LRRTM4: variants seen among roughly 807,000 people sequenced by gnomAD.
LRRTM4 encodes leucine rich repeat transmembrane neuronal 4.
In LRRTM4, 25 loss-of-function variants were observed where a neutral mutation model predicts 47.6. That is an observed-to-expected ratio of 0.53 (90% CI 0.38 to 0.73). The LOEUF (loss-of-function observed/expected upper bound fraction) is 0.73. Among genes scored for constraint, LRRTM4 ranks in the 30% least tolerant of loss-of-function variants. LRRTM4 has a pLI of 0.00. For synonymous variants in LRRTM4, 311 were observed against 269.5 expected, an observed-to-expected ratio of 1.15 and a Z score of -1.51; for missense variants, 638 against 713.4, an observed-to-expected ratio of 0.89 and a Z score of 1.20.
chr2:77,270,088 G>A (rs1676152032), intron 3 of LRRTM4, among the ~76,000 whole-genome samples: 1 of 152,178 alleles, frequency 6.6e-6, no homozygotes. Context: ...CAAGATGTCT[G>A]GATTTATTGA....
intron 3 of LRRTM4, among the ~76,000 whole-genome samples, chr2:77,224,456 A>T (rs1187700514): frequency 2.0e-5 from 3 of 152,104 alleles, no homozygotes; most frequent in East Asian, 1.9e-4. Context: ...TTTGCAACCT[A>T]CTCATCTGAC....
intron 3 of LRRTM4, among the ~76,000 whole-genome samples, chr2:76,839,508 T>C (rs751497560): frequency 3.3e-5 from 5 of 152,162 alleles, no homozygotes; most frequent in Non-Finnish European, 5.9e-5. Flanking sequence ...AAATATTTAA[T>C]AATATTTTCA....
At chr2:77,475,557 T>G (rs1012118268) in intron 3 of LRRTM4, among the ~76,000 whole-genome samples, 1 of 152,030 alleles carries the variant, frequency 6.6e-6, no homozygotes, top group East Asian at 1.9e-4. Flanking sequence ...ATAAGGCACA[T>G]GTAAAGGTCT....
intron 3 of LRRTM4, among the ~76,000 whole-genome samples, chr2:76,795,579 G>GCA (rs753196049): frequency 8.7e-5 from 8 of 91,936 alleles, no homozygotes; most frequent in Non-Finnish European, 1.4e-4. Context: ...GCATATATAT[G>GCA]CACACACACA....
intron 3 of LRRTM4, among the ~76,000 whole-genome samples, chr2:76,918,130 T>C (rs754661655): frequency 1.3e-5 from 2 of 152,230 alleles, no homozygotes; most frequent in Non-Finnish European, 2.9e-5. Flanking sequence ...ATGACAATTA[T>C]GTTAACAAAA....
chr2:77,476,635 A>G, intron 3 of LRRTM4, among the ~76,000 whole-genome samples: 1 of 152,246 alleles, frequency 6.6e-6, no homozygotes. Context: ...ATGGTAGATA[A>G]TGCAATCTCC....
chr2:77,294,120 AC>A (rs1440876059), intron 3 of LRRTM4, among the ~76,000 whole-genome samples: 1 of 151,754 alleles, frequency 6.6e-6, no homozygotes, highest in Admixed American at 6.6e-5. Context: ...TGGATTGTAG[AC>A]CCTTACGTAT....
chr2:76,841,688 G>GTGTA (rs1553418038), intron 3 of LRRTM4, among the ~76,000 whole-genome samples: 18 of 148,274 alleles, frequency 1.2e-4, no homozygotes, highest in Non-Finnish European at 2.1e-4. Context: ...ACTTTACTGT[G>GTGTA]TATATATATA....
intron 3 of LRRTM4, among the ~76,000 whole-genome samples, chr2:77,138,148 G>A (rs564297505): frequency 6.6e-6 from 1 of 152,114 alleles, no homozygotes; most frequent in Non-Finnish European, 1.5e-5. Context: ...ACAGAACTCT[G>A]TACCCCAAAT....
intron 3 of LRRTM4, among the ~76,000 whole-genome samples, chr2:76,888,621 T>C (rs1673153705): frequency 6.6e-6 from 1 of 151,820 alleles, no homozygotes; most frequent in African/African-American, 2.4e-5. Context: ...CAATGAGAAT[T>C]ACCCAGTTTC....
chr2:76,908,312 T>C lies in LRRTM4; in HGVS notation c.1552-159396A>G, dbSNP rs538658373. On this transcript the variant is annotated intron_variant, in intron 3 of 3. Transcript: ENST00000409884. ...TTAACAACCTTCATGCTAAAAACTC[T>C]CAATAAATTAGGTATTGATGGGCCA... 3.3e-5 allele frequency among the ~76,000 whole-genome samples: 5 copies of C among 152,262 alleles called. No individual in the cohort carries two copies. In the East Asian group the frequency reaches 9.7e-4, roughly 29 times the overall value.
At chr2:77,283,343 G>T (rs1676558875) in intron 3 of LRRTM4, among the ~76,000 whole-genome samples, 2 of 151,980 alleles carry the variant, frequency 1.3e-5, no homozygotes, top group Admixed American at 6.6e-5. Flanking sequence ...TGGTGGGGCT[G>T]CAGAGAAAAG....
chr2:76,991,237 T>G (rs1452068976), intron 3 of LRRTM4, among the ~76,000 whole-genome samples: 4 of 150,790 alleles, frequency 2.7e-5, no homozygotes, highest in Non-Finnish European at 4.4e-5. Context: ...CTAGAGGAAC[T>G]AGAAAAGCAA....
At chr2:76,843,473 C>T (rs1375412163) in intron 3 of LRRTM4, among the ~76,000 whole-genome samples, 1 of 152,096 alleles carries the variant, frequency 6.6e-6, no homozygotes, top group Non-Finnish European at 1.5e-5. Flanking sequence ...AGCAAAAGGT[C>T]AGTTGCTTCC....
chr2:77,266,454 A>G (rs767262250), intron 3 of LRRTM4, among the ~76,000 whole-genome samples: 10 of 152,164 alleles, frequency 6.6e-5, no homozygotes, highest in Non-Finnish European at 1.2e-4. Flanking sequence ...TATTGTCACA[A>G]TGATTAGAAA....
intron 3 of LRRTM4, among the ~76,000 whole-genome samples, chr2:77,470,735 T>A (rs773130629): frequency 6.6e-6 from 1 of 152,152 alleles, no homozygotes; most frequent in African/African-American, 2.4e-5. Context: ...GCAAAACTAC[T>A]CTCTGCAGTT....
At chr2:77,408,602 T>G (rs1187398093) in intron 3 of LRRTM4, among the ~76,000 whole-genome samples, 15 of 152,184 alleles carry the variant, frequency 9.9e-5, no homozygotes, top group Admixed American at 9.2e-4. Context: ...ACTGGACCAC[T>G]GACTGCTATG....
At chr2:77,136,784 A>T (rs1184436147) in intron 3 of LRRTM4, among the ~76,000 whole-genome samples, 1 of 151,274 alleles carries the variant, frequency 6.6e-6, no homozygotes, top group Non-Finnish European at 1.5e-5. Context: ...TCCTTAAATG[A>T]CCTGAGGGAG....
At chr2:77,404,718 C>A (rs990375418) in intron 3 of LRRTM4, among the ~76,000 whole-genome samples, 16 of 151,966 alleles carry the variant, frequency 1.1e-4, no homozygotes, top group Non-Finnish European at 2.1e-4. Flanking sequence ...ATCATCATAA[C>A]CCTTGAATTT....
Sources: gnomAD v4.1 joint callset for allele counts (sites outside exome capture counted in the v4.1 genomes callset) on GRCh38, gnomAD v4.1.1 for gene constraint, MANE v1.5 for transcripts, NCBI Gene and HGNC (gene_info 2026-07-23, HGNC 2026-07-21) for gene names.